The following RGPD3 variants were observed in gnomAD, a reference collection of about 807,000 sequenced individuals.
RGPD3 encodes the protein RANBP2 like and GRIP domain containing 3, also known as ranBP2-like and GRIP domain-containing protein 3.
Under a neutral mutation model 154.5 loss-of-function variants are expected in RGPD3, and 62 were observed. The ratio of observed to expected loss-of-function variants is 0.40; its 90% CI spans 0.33 to 0.50. RGPD3 has a LOEUF of 0.50. Among genes scored for constraint, RGPD3 ranks in the 20% least tolerant of loss-of-function variants. The pLI is 0.59. For synonymous variants in RGPD3, 308 were observed against 607.0 expected (o/e 0.51, Z 7.24); for missense variants, 919 against 1,716.8 (o/e 0.54, Z 8.21).
intron 1 of RGPD3, among the ~76,000 whole-genome samples, chr2:106,466,184 G>T (rs1678576901): frequency 6.6e-6 from 1 of 152,148 alleles, no homozygotes; most frequent in South Asian, 2.1e-4. Context: ...AACAAGCCGG[G>T]AGAAAGAGGA....
Position 106,405,051 on chromosome 2 carries a change from T to C in RGPD3, c.*168A>G. 1 of 742,974 alleles carries C rather than the reference T, an allele frequency of 1.3e-6. No homozygotes were observed. Among genetic ancestry groups the C allele is most frequent in the Non-Finnish European group, 2.2e-6 (1 of 451,660 alleles). 46.0% of individuals were successfully genotyped at this position (742,974 alleles called of 1,614,324 possible). A position where few individuals can be genotyped will look rare whatever the true frequency, so the allele number is the denominator to read the frequency against. ...TGTCATATAGATGTACAAATATATGTAAATGCAAACATATACACACTTTTT... is the reference window on the plus strand; with the variant it reads ...TGTCATATAGATGTACAAATATATGCAAATGCAAACATATACACACTTTTT... On this transcript the variant is annotated 3_prime_UTR_variant, in exon 23 of 23. Transcript: ENST00000409886.
At chr2:106,413,556 C>T (rs2104445673) in intron 21 of RGPD3, among the ~76,000 whole-genome samples, 1 of 152,308 alleles carries the variant, frequency 6.6e-6, no homozygotes, top group East Asian at 1.9e-4. Context: ...AAGTGGATTG[C>T]TGCATATGAA....
intron 21 of RGPD3, among the ~76,000 whole-genome samples, chr2:106,413,722 G>A (rs1159247262): frequency 6.6e-6 from 1 of 152,126 alleles, no homozygotes; most frequent in Non-Finnish European, 1.5e-5. Context: ...AGGTGGAAAT[G>A]AGTCAGTCCA....
At position 106,423,976 on chromosome 2, in the gene RGPD3, C is replaced by T. The variant is rs1432483571; in HGVS notation, c.3991G>A (p.Asp1331Asn). 6.2e-7 allele frequency: 1 copy of T among 1,611,726 alleles called. No individual in the cohort carries two copies. Among genetic ancestry groups the T allele is most frequent in the Non-Finnish European group, 8.5e-7 (1 of 1,179,840 alleles). The change falls in exon 20 of 23, where the codon GAT becomes AAT. Residue 1331 changes from aspartate to asparagine, a missense_variant. Physicochemically the swap from Asp to Asn is conservative, Grantham distance 23. Coordinates refer to ENST00000409886, the MANE Select transcript of RGPD3 (RefSeq NM_001144013.2). ...ESDVTQEEERDGQYFEPVVPL... is the reference protein window; with the variant it reads ...ESDVTQEEERNGQYFEPVVPL... ...ACAACAGGTTCAAAGTACTGTCCAT[C>T]TCTCTCTTCTTCTTGAGTAACATCA...
intron 1 of RGPD3, among the ~76,000 whole-genome samples, chr2:106,467,620 G>A: frequency 6.9e-6 from 1 of 145,050 alleles, no homozygotes; most frequent in South Asian, 2.1e-4. Flanking sequence ...CGCCGGGCCG[G>A]GTCGAGGCAG....
At chr2:106,449,852 C>T (rs1421763002) in intron 6 of RGPD3, among the ~76,000 whole-genome samples, 17 of 151,536 alleles carry the variant, frequency 1.1e-4, no homozygotes, top group African/African-American at 3.9e-4. Context: ...CCCATCTCTA[C>T]TAAAAATACA....
chr2:106,424,087 A>C lies in RGPD3; in HGVS notation c.3880T>G (p.Phe1294Val), dbSNP rs1677099139. The C allele has an allele frequency of 6.2e-7, 1 of 1,611,306 alleles. No individual in the cohort carries two copies. The highest frequency in any genetic ancestry group is 1.1e-5 in the South Asian group (1 of 90,930). The change falls in exon 20 of 23, where the codon TTC (phenylalanine) becomes GTC (valine). Residue 1294 changes from phenylalanine to valine, a missense_variant. Physicochemically the swap from Phe to Val is conservative, Grantham distance 50. Coordinates refer to ENST00000409886, the MANE Select transcript of RGPD3 (RefSeq NM_001144013.2). ...AGACTCAAAGCAGATTTAAAACTGA[A>C]GTTAGATCCTGTTGTTGACTCATCA... ...HFDESTTGSN[F>V]SFKSALSLSK...
chr2:106,412,769 T>C (rs770633920), intron 22 of RGPD3: 1 of 517,764 alleles, frequency 1.9e-6, no homozygotes, highest in Non-Finnish European at 3.6e-6. Context: ...TTTTAAAAAG[T>C]AGAATTTAAA....
chr2:106,448,691 TTTTTTG>T (rs1573288136), intron 6 of RGPD3, among the ~76,000 whole-genome samples: 4 of 151,328 alleles, frequency 2.6e-5, no homozygotes, highest in Non-Finnish European at 4.4e-5. Flanking sequence ...AGAGCTGAGT[TTTTTTG>T]TTTTTGTTTT....
intron 2 of RGPD3, among the ~76,000 whole-genome samples, chr2:106,459,024 G>T (rs1169169231): frequency 6.8e-6 from 1 of 146,134 alleles, no homozygotes; most frequent in Non-Finnish European, 1.5e-5. Flanking sequence ...TAGAAAAAGT[G>T]TTTTAAGCCA....
At chr2:106,422,045 T>C (rs1367752176) in intron 20 of RGPD3, among the ~76,000 whole-genome samples, 1 of 152,098 alleles carries the variant, frequency 6.6e-6, no homozygotes, top group African/African-American at 2.4e-5. Flanking sequence ...AAACTGCTGT[T>C]ATCTCATACT....
At chr2:106,468,839 A>G (rs1267439646), upstream of RGPD3, among the ~76,000 whole-genome samples, 1 of 143,572 alleles carries the variant, frequency 7.0e-6, no homozygotes, top group Non-Finnish European at 1.5e-5. Flanking sequence ...AAAAAAGACT[A>G]AACTGTGATT....
intron 1 of RGPD3, among the ~76,000 whole-genome samples, chr2:106,463,029 G>T (rs1186430145): frequency 6.7e-6 from 1 of 149,816 alleles, no homozygotes; most frequent in African/African-American, 2.5e-5. Flanking sequence ...GTAAGAAATG[G>T]TCAAAGAAAT....
chr2:106,470,397 G>A (rs1265572315), upstream of RGPD3, among the ~76,000 whole-genome samples: 2 of 152,162 alleles, frequency 1.3e-5, no homozygotes, highest in Non-Finnish European at 2.9e-5. Context: ...AGGTCCAAAC[G>A]AAGACTGACA....
chr2:106,446,559 G>A (rs1677940509), intron 7 of RGPD3, among the ~76,000 whole-genome samples: 1 of 70,808 alleles, frequency 1.4e-5, no homozygotes, highest in Admixed American at 2.1e-4. Context: ...GACAGAGCGA[G>A]ACTCCATCTC....
intron 20 of RGPD3, among the ~76,000 whole-genome samples, chr2:106,420,297 C>T (rs1676940065): frequency 6.7e-6 from 1 of 149,204 alleles, no homozygotes; most frequent in South Asian, 2.2e-4. Flanking sequence ...ATTCATATGG[C>T]TGAAAACAAC....
chr2:106,461,327 A>G (rs1289980829), intron 1 of RGPD3, among the ~76,000 whole-genome samples: 1 of 148,614 alleles, frequency 6.7e-6, no homozygotes, highest in Non-Finnish European at 1.5e-5. Flanking sequence ...ATTTTAAATA[A>G]AATAAGGGTT....
intron 22 of RGPD3, among the ~76,000 whole-genome samples, chr2:106,412,321 T>TTTTTTTTTTTTTTTTTG (rs1558833076): frequency 1.0e-5 from 1 of 99,978 alleles, no homozygotes; most frequent in Non-Finnish European, 2.1e-5. Context: ...TTTTTTTTTT[T>TTTTTTTTTTTTTTTTTG]TTTTTTTTTT....
intron 22 of RGPD3, among the ~76,000 whole-genome samples, chr2:106,407,411 C>T (rs1338536425): frequency 6.6e-6 from 1 of 152,128 alleles, no homozygotes; most frequent in Non-Finnish European, 1.5e-5. Flanking sequence ...TCTGAAAAGT[C>T]TCTCTTCCAC....
Sources: allele counts gnomAD v4.1 joint callset (sites outside exome capture counted in the v4.1 genomes callset), GRCh38; gene constraint gnomAD v4.1.1; transcripts MANE v1.5; gene names NCBI Gene and HGNC (gene_info 2026-07-23, HGNC 2026-07-21).